CDH11: variants seen among roughly 807,000 people sequenced by gnomAD.
CDH11 encodes the protein cadherin 11, also known as cadherin-11.
Under a neutral mutation model 67.8 loss-of-function variants are expected in CDH11, and 11 were observed. The ratio of observed to expected loss-of-function variants is 0.16; its 90% CI spans 0.10 to 0.27. CDH11 has a LOEUF of 0.27. Among genes scored for constraint, CDH11 ranks in the 10% least tolerant of loss-of-function variants. The pLI is 1.00. For synonymous variants in CDH11, 419 were observed against 400.0 expected, an observed-to-expected ratio of 1.05 and a Z score of -0.57; for missense variants, 847 against 1,031.2, an observed-to-expected ratio of 0.82 and a Z score of 2.45.
chr16:65,009,286 C>T (rs1188110256), intron 2 of CDH11, among the ~76,000 whole-genome samples: 1 of 152,018 alleles, frequency 6.6e-6, no homozygotes, highest in Non-Finnish European at 1.5e-5. Context: ...ATATCAATGA[C>T]CAAAGTGAAG....
chr16:65,099,667 A>G (rs1445289526), intron 1 of CDH11, among the ~76,000 whole-genome samples: 1 of 152,184 alleles, frequency 6.6e-6, no homozygotes, highest in Non-Finnish European at 1.5e-5. Flanking sequence ...CCCAGAAAAG[A>G]GTAGATGGAG....
intron 6 of CDH11, among the ~76,000 whole-genome samples, chr16:64,991,173 C>T (rs752495641): frequency 1.3e-4 from 20 of 152,044 alleles, no homozygotes; most frequent in Admixed American, 8.5e-4. Context: ...AACCAGCCCA[C>T]GCAGAAAGGA....
intron 7 of CDH11, chr16:64,985,302 T>G (rs2072457700): frequency 6.6e-6 from 1 of 152,044 alleles, no homozygotes; most frequent in African/African-American, 2.4e-5. Context: ...TAGTAATTAT[T>G]TCTTGAATTC....
At chr16:65,032,668 G>A (rs1163439477) in intron 2 of CDH11, among the ~76,000 whole-genome samples, 4 of 152,154 alleles carry the variant, frequency 2.6e-5, no homozygotes, top group South Asian at 2.1e-4. Context: ...AACAGAGGTA[G>A]TGCCTTTGCA....
At chr16:65,052,615 A>G (rs1171864169) in intron 2 of CDH11, among the ~76,000 whole-genome samples, 1 of 152,170 alleles carries the variant, frequency 6.6e-6, no homozygotes, top group African/African-American at 2.4e-5. Flanking sequence ...GGATCCTAGA[A>G]GCTTGTTAAG....
intron 2 of CDH11, among the ~76,000 whole-genome samples, chr16:65,010,971 TTA>T (rs60201838): frequency 0.17 from 21,553 of 127,764 alleles, 2,142 homozygotes; most frequent in East Asian, 0.43. Context: ...ATATATGTGT[TTA>T]TATATATATA....
chr16:65,079,748 C>A (rs754461), intron 1 of CDH11, among the ~76,000 whole-genome samples: 1 of 152,152 alleles, frequency 6.6e-6, no homozygotes, highest in Non-Finnish European at 1.5e-5. Flanking sequence ...TTCTGTCATT[C>A]GCATAACCTA....
chr16:65,117,887 GC>G (rs1464541415), intron 1 of CDH11, among the ~76,000 whole-genome samples: 3 of 152,080 alleles, frequency 2.0e-5, no homozygotes, highest in Non-Finnish European at 4.4e-5. Flanking sequence ...CTGCAGCCCA[GC>G]CCCCACCCCG....
At chr16:64,992,695 G>A (rs1028210672) in intron 5 of CDH11, among the ~76,000 whole-genome samples, 2 of 152,150 alleles carry the variant, frequency 1.3e-5, no homozygotes, top group African/African-American at 4.8e-5. Context: ...GTTGTTATTG[G>A]GTCATCGTGA....
chr16:64,980,913 A>G (rs969849842), intron 8 of CDH11, among the ~76,000 whole-genome samples: 1 of 151,942 alleles, frequency 6.6e-6, no homozygotes, highest in Non-Finnish European at 1.5e-5. Context: ...CCCTGCTAGA[A>G]TCCGGTCCAG....
chr16:65,032,731 C>T (rs1485229376), intron 2 of CDH11, among the ~76,000 whole-genome samples: 1 of 152,124 alleles, frequency 6.6e-6, no homozygotes, highest in African/African-American at 2.4e-5. Context: ...CTGTATGTAC[C>T]AAATCACAGC....
chr16:65,067,998 A>ACCAAG (rs1567559216), intron 1 of CDH11, among the ~76,000 whole-genome samples: 1 of 46,786 alleles, frequency 2.1e-5, no homozygotes, highest in Non-Finnish European at 5.6e-5. Flanking sequence ...GAGGGAGGGA[A>ACCAAG]GAAGGGAGGG....
chr16:65,071,969 T>C (rs1944463051), intron 1 of CDH11: 1 of 152,270 alleles, frequency 6.6e-6, no homozygotes, highest in Non-Finnish European at 1.5e-5. Context: ...TCGTCCCTGC[T>C]GGGTAGTAGT....
intron 2 of CDH11, among the ~76,000 whole-genome samples, chr16:65,043,835 G>C (rs944453327): frequency 2.0e-5 from 3 of 152,128 alleles, no homozygotes; most frequent in South Asian, 2.1e-4. Flanking sequence ...TTGGTCTTGG[G>C]GGGAGGGGAG....
At chr16:65,074,796 A>C (rs1244141513) in intron 1 of CDH11, among the ~76,000 whole-genome samples, 1 of 152,238 alleles carries the variant, frequency 6.6e-6, no homozygotes, top group Non-Finnish European at 1.5e-5. Flanking sequence ...CCCACATTCA[A>C]AATAGTATTT....
chr16:65,078,639 A>C (rs1207111788), intron 1 of CDH11, among the ~76,000 whole-genome samples: 1 of 152,134 alleles, frequency 6.6e-6, no homozygotes, highest in Non-Finnish European at 1.5e-5. Flanking sequence ...TCTAATAGAC[A>C]TTTTTTTGAT....
chr16:64,988,002 T>C (rs993683665), intron 7 of CDH11, 155 bp downstream of exon 7: 2 of 570,212 alleles, frequency 3.5e-6, no homozygotes, highest in African/African-American at 1.9e-5. Context: ...TACAATTCTG[T>C]GATCTTCCAG....
chr16:65,079,756 C>G (rs916366594), intron 1 of CDH11, among the ~76,000 whole-genome samples: 1 of 152,184 alleles, frequency 6.6e-6, no homozygotes, highest in African/African-American at 2.4e-5. Context: ...TTCGCATAAC[C>G]TATGCTCTTG....
chr16:65,000,687 T>C (rs2072899145), intron 3 of CDH11, among the ~76,000 whole-genome samples: 1 of 152,012 alleles, frequency 6.6e-6, no homozygotes, highest in Admixed American at 6.5e-5. Context: ...CTTGCACCTG[T>C]AATCCCAGCT....
Sources: allele counts gnomAD v4.1 joint callset (sites outside exome capture counted in the v4.1 genomes callset), GRCh38; gene constraint gnomAD v4.1.1; transcripts MANE v1.5; gene names NCBI Gene and HGNC (gene_info 2026-07-23, HGNC 2026-07-21).